The following CSMD3 variants were observed in gnomAD, a reference collection of about 807,000 sequenced individuals.
CSMD3 encodes CUB and sushi domain-containing protein 3.
Under a neutral mutation model 435.2 loss-of-function variants are expected in CSMD3, and 177 were observed. That is an observed-to-expected ratio of 0.41 (90% CI 0.36 to 0.46). CSMD3 has a LOEUF of 0.46. CSMD3 is among the 20% of genes least tolerant of loss of function. The pLI is 0.34. For missense variants in CSMD3, 4,265 were observed against 4,504.6 expected, an observed-to-expected ratio of 0.95 and a Z score of 1.52; for synonymous variants, 1,656 against 1,520.5, an observed-to-expected ratio of 1.09 and a Z score of -2.07.
At chr8:112,233,616 G>C (rs1208475669) in intron 68 of CSMD3, among the ~76,000 whole-genome samples, 1 of 151,970 alleles carries the variant, frequency 6.6e-6, no homozygotes, top group African/African-American at 2.4e-5. Context: ...CTTATCGAAG[G>C]CTACTACATA....
chr8:112,533,578 T>C (rs182138522), intron 27 of CSMD3, among the ~76,000 whole-genome samples: 1 of 151,980 alleles, frequency 6.6e-6, no homozygotes, highest in Admixed American at 6.6e-5. Context: ...CAATCATAAA[T>C]ATATATATAT....
At chr8:113,244,147 G>GT (rs2093251247) in intron 3 of CSMD3, among the ~76,000 whole-genome samples, 1 of 152,048 alleles carries the variant, frequency 6.6e-6, no homozygotes, top group Admixed American at 6.6e-5. Flanking sequence ...TAGCACAAAT[G>GT]TTTTTAACTC....
intron 10 of CSMD3, among the ~76,000 whole-genome samples, chr8:112,916,755 C>T (rs2130584552): frequency 6.6e-6 from 1 of 151,950 alleles, no homozygotes; most frequent in South Asian, 2.1e-4. Context: ...TCTGTAGTTG[C>T]AATGATCTTA....
intron 17 of CSMD3, among the ~76,000 whole-genome samples, chr8:112,664,346 G>C (rs935936215): frequency 1.3e-5 from 2 of 152,004 alleles, no homozygotes; most frequent in African/African-American, 4.8e-5. Context: ...ATAATTCTGT[G>C]TGCTAAAGTA....
At chr8:112,687,490 A>C (rs2076038552) in intron 14 of CSMD3, among the ~76,000 whole-genome samples, 1 of 152,124 alleles carries the variant, frequency 6.6e-6, no homozygotes, top group South Asian at 2.1e-4. Context: ...CGCATTTCTT[A>C]CAATCTTTTA....
At chr8:113,061,354 A>C (rs1039940556) in intron 5 of CSMD3, among the ~76,000 whole-genome samples, 1 of 152,126 alleles carries the variant, frequency 6.6e-6, no homozygotes, top group Non-Finnish European at 1.5e-5. Context: ...TATTGTCCAC[A>C]TGAATACTAG....
At chr8:113,307,733 T>G (rs532211475) in intron 2 of CSMD3, among the ~76,000 whole-genome samples, 1 of 152,260 alleles carries the variant, frequency 6.6e-6, no homozygotes, top group East Asian at 1.9e-4. Flanking sequence ...GAACAAACTC[T>G]TCATAAATAA....
At chr8:113,155,352 CG>C (rs1447643860) in intron 4 of CSMD3, among the ~76,000 whole-genome samples, 1 of 152,014 alleles carries the variant, frequency 6.6e-6, no homozygotes, top group Non-Finnish European at 1.5e-5. Flanking sequence ...CCAAGTATAA[CG>C]CTTGACATAT....
chr8:113,173,589 T>TG (rs2092303034), intron 4 of CSMD3, 133 bp downstream of exon 4: 13 of 754,438 alleles, frequency 1.7e-5, no homozygotes, highest in East Asian at 8.1e-5. Flanking sequence ...CCCAAAGTGC[T>TG]GGGATTACAG....
chr8:112,776,984 T>C (rs988526105), intron 13 of CSMD3, among the ~76,000 whole-genome samples: 3 of 151,826 alleles, frequency 2.0e-5, no homozygotes, highest in African/African-American at 7.2e-5. Context: ...GATAGAATGA[T>C]TAAGCATGGG....
intron 1 of CSMD3, among the ~76,000 whole-genome samples, chr8:113,390,791 G>T (rs187268833): frequency 4.4e-4 from 67 of 152,046 alleles, no homozygotes; most frequent in African/African-American, 1.5e-3. Context: ...ATTGTTCTCT[G>T]ATGAGTTTAC....
chr8:112,534,371 T>C (rs1209433511), intron 27 of CSMD3, among the ~76,000 whole-genome samples: 6 of 152,066 alleles, frequency 3.9e-5, no homozygotes, highest in Non-Finnish European at 7.4e-5. Context: ...AAATACAAAC[T>C]ACCATCAGAG....
At chr8:113,048,916 G>A (rs1168521590) in intron 5 of CSMD3, among the ~76,000 whole-genome samples, 1 of 152,150 alleles carries the variant, frequency 6.6e-6, no homozygotes, top group Non-Finnish European at 1.5e-5. Flanking sequence ...CTTAGAACCA[G>A]TGAGTATACA....
At chr8:113,419,989 G>T (rs1000795631) in intron 1 of CSMD3, among the ~76,000 whole-genome samples, 2 of 151,984 alleles carry the variant, frequency 1.3e-5, no homozygotes, top group Admixed American at 1.3e-4. Flanking sequence ...AACATCCAAA[G>T]AAAGTAATTT....
At chr8:112,710,597 T>C (rs2076589746) in intron 13 of CSMD3, among the ~76,000 whole-genome samples, 1 of 151,644 alleles carries the variant, frequency 6.6e-6, no homozygotes, top group Non-Finnish European at 1.5e-5. Context: ...TGTATTAAGG[T>C]TTGGAGTAAA....
intron 3 of CSMD3, among the ~76,000 whole-genome samples, chr8:113,190,248 G>T (rs2092564999): frequency 6.6e-6 from 1 of 151,814 alleles, no homozygotes; most frequent in Admixed American, 6.6e-5. Flanking sequence ...CAGAGCCTGT[G>T]AGGTAAACTT....
intron 22 of CSMD3, among the ~76,000 whole-genome samples, chr8:112,635,706 C>G (rs528307863): frequency 1.1e-4 from 17 of 152,098 alleles, no homozygotes; most frequent in Non-Finnish European, 2.1e-4. Context: ...CAGACCCACA[C>G]TAACTTGGAT....
chr8:113,052,022 G>A (rs920487374), intron 5 of CSMD3, among the ~76,000 whole-genome samples: 1 of 152,092 alleles, frequency 6.6e-6, no homozygotes, highest in Non-Finnish European at 1.5e-5. Flanking sequence ...GTAGGATTTG[G>A]ATATTTTGAC....
intron 12 of CSMD3, among the ~76,000 whole-genome samples, chr8:112,821,777 T>C (rs772387946): frequency 2.0e-5 from 3 of 152,142 alleles, no homozygotes; most frequent in Non-Finnish European, 4.4e-5. Flanking sequence ...GATTTTATGG[T>C]TTTGGGTTTT....
Sources: allele counts gnomAD v4.1 joint callset (sites outside exome capture counted in the v4.1 genomes callset), GRCh38; gene constraint gnomAD v4.1.1; transcripts MANE v1.5; gene names NCBI Gene and HGNC (gene_info 2026-07-23, HGNC 2026-07-21).